DOCK4: variants seen among roughly 807,000 people sequenced by gnomAD.
DOCK4 encodes dedicator of cytokinesis 4.
A neutral mutation model predicts 268.1 loss-of-function variants in DOCK4; 97 were observed. That is an observed-to-expected ratio of 0.36 (90% CI 0.31 to 0.43). The LOEUF is 0.43. Ranked by LOEUF, DOCK4 falls within the 20% of genes least tolerant of loss-of-function variation. The probability of loss-of-function intolerance (pLI) is 1.00; values close to 1 mark genes in which losing one functional copy is unlikely to be tolerated. For synonymous variants in DOCK4, 954 were observed against 887.2 expected, an observed-to-expected ratio of 1.08 and a Z score of -1.34; for missense variants, 2,145 against 2,455.7, an observed-to-expected ratio of 0.87 and a Z score of 2.67.
intron 1 of DOCK4, among the ~76,000 whole-genome samples, chr7:112,060,228 C>A (rs1806271736): frequency 6.6e-6 from 1 of 152,116 alleles, no homozygotes; most frequent in South Asian, 2.1e-4. Context: ...AGCTTGAGTT[C>A]ATCAATTTAG....
rs10266646 is a variant in DOCK4 at position 111,771,076 on chromosome 7, T to G, written c.3680-1399A>C. 7.7e-3 allele frequency among the ~76,000 whole-genome samples: 1,171 copies of G among 152,328 alleles called. 14 individuals carry two copies. Among genetic ancestry groups the G allele is most frequent in the African/African-American group, 0.027 (1,116 of 41,562 alleles). ...GTTTGCACAGTTAGCAATATGAACTTCTTTCAATGCAAATAAATGATCATG... is the reference window on the plus strand; with the variant it reads ...GTTTGCACAGTTAGCAATATGAACTGCTTTCAATGCAAATAAATGATCATG... On this transcript the variant is annotated intron_variant, in intron 36 of 52. Transcript: ENST00000428084.
chr7:112,046,347 T>C (rs1400668353), intron 1 of DOCK4, among the ~76,000 whole-genome samples: 2 of 152,026 alleles, frequency 1.3e-5, no homozygotes, highest in African/African-American at 4.8e-5. Context: ...ATTCAGACAA[T>C]TGAAAAAATA....
At position 112,172,776 on chromosome 7, in the gene DOCK4, C is replaced by T. The variant is rs546394492; in HGVS notation, c.37+33326G>A. Among the ~76,000 whole-genome samples, 6 of 152,254 alleles carry T rather than the reference C, an allele frequency of 3.9e-5. No homozygotes were observed. In the South Asian group the frequency reaches 1.2e-3, roughly 32 times the overall value. ...GTAAAAAATGTAAAGCCGGGAAGAA[C>T]AGTAGATTATTTCTGGCAGTGAAGT... is the stretch of plus-strand genomic sequence containing the variant. On this transcript the variant is annotated intron_variant, in intron 1 of 52. Coordinates refer to ENST00000428084, the MANE Select transcript of DOCK4 (RefSeq NM_001363540.2).
chr7:112,176,610 T>A (rs12705814), intron 1 of DOCK4, among the ~76,000 whole-genome samples: 4 of 152,112 alleles, frequency 2.6e-5, no homozygotes, highest in Non-Finnish European at 5.9e-5. Flanking sequence ...GAAAAACCTA[T>A]AGTTTGCACA....
At chr7:112,023,524 A>G (rs980981888) in intron 1 of DOCK4, 1 of 369,382 alleles carries the variant, frequency 2.7e-6, no homozygotes, top group Non-Finnish European at 5.3e-6. Context: ...GGAAGAAAGC[A>G]CAACATTAGA....
intron 1 of DOCK4, among the ~76,000 whole-genome samples, chr7:112,133,065 T>C (rs1180545081): frequency 6.6e-6 from 1 of 152,204 alleles, no homozygotes; most frequent in Non-Finnish European, 1.5e-5. Flanking sequence ...TCTACTTCTC[T>C]AATATTGAAG....
At chr7:111,957,173 C>T (rs1796509694) in intron 8 of DOCK4, among the ~76,000 whole-genome samples, 1 of 151,938 alleles carries the variant, frequency 6.6e-6, no homozygotes, top group African/African-American at 2.4e-5. Flanking sequence ...ATCTTTGGTA[C>T]TGAAAAAGTT....
chr7:112,134,313 T>C (rs997730713), intron 1 of DOCK4, among the ~76,000 whole-genome samples: 2 of 152,178 alleles, frequency 1.3e-5, no homozygotes, highest in Non-Finnish European at 2.9e-5. Context: ...TCAAAAACCC[T>C]ATACATCTCA....
At chr7:111,945,533 A>G (rs1795551637) in intron 9 of DOCK4, among the ~76,000 whole-genome samples, 184 bp downstream of exon 9, 2 of 152,236 alleles carry the variant, frequency 1.3e-5, no homozygotes, top group African/African-American at 2.4e-5. Flanking sequence ...GTAATACACT[A>G]AAGGAATGAA....
At chr7:112,133,158 G>C (rs1228584561) in intron 1 of DOCK4, among the ~76,000 whole-genome samples, 1 of 152,138 alleles carries the variant, frequency 6.6e-6, no homozygotes, top group African/African-American at 2.4e-5. Flanking sequence ...CTAGTGTTTT[G>C]AGGAGAGGTG....
rs539506778 is a variant in DOCK4, at chr7:111,806,334, T to A, written c.3166+2487A>T. Among the ~76,000 whole-genome samples, 78 of 152,322 alleles carry A rather than the reference T, an allele frequency of 5.1e-4. No individual in the cohort carries two copies. The Middle Eastern group carries it at 0.01, about 20-fold the overall frequency. On this transcript the variant is annotated intron_variant, in intron 30 of 52. Transcript: ENST00000428084. ...CTTAATTATTCTTCTCCTCATTTTA[T>A]AAAAATATATGTTGGAAGAGAGGCT...
intron 1 of DOCK4, among the ~76,000 whole-genome samples, chr7:112,062,956 C>T (rs1396494864): frequency 6.6e-6 from 1 of 152,152 alleles, no homozygotes; most frequent in African/African-American, 2.4e-5. Flanking sequence ...GGATTACAGG[C>T]CTGAGCCACC....
intron 1 of DOCK4, among the ~76,000 whole-genome samples, chr7:112,109,597 T>C (rs1370025948): frequency 1.3e-5 from 2 of 152,208 alleles, no homozygotes; most frequent in Non-Finnish European, 2.9e-5. Flanking sequence ...TTTTCAGCGA[T>C]AGTGTGCCCC....
chr7:111,882,954 T>A (rs374974135), intron 16 of DOCK4, among the ~76,000 whole-genome samples: 2 of 152,260 alleles, frequency 1.3e-5, no homozygotes, highest in South Asian at 2.1e-4. Flanking sequence ...CTAACAAGTT[T>A]AGAGAAACAG....
At chr7:112,046,726 T>C (rs1053920091) in intron 1 of DOCK4, among the ~76,000 whole-genome samples, 1 of 152,156 alleles carries the variant, frequency 6.6e-6, no homozygotes, top group Non-Finnish European at 1.5e-5. Flanking sequence ...TTTCAGGCAT[T>C]GAAGAACATG....
At chr7:112,178,493 G>A (rs938917537) in intron 1 of DOCK4, among the ~76,000 whole-genome samples, 11 of 152,128 alleles carry the variant, frequency 7.2e-5, no homozygotes, top group Non-Finnish European at 1.6e-4. Flanking sequence ...CTTTGTCTCG[G>A]CTTCCCATCC....
intron 44 of DOCK4, 73 bp downstream of exon 44, chr7:111,746,261 T>C (rs528348222): frequency 8.0e-7 from 1 of 1,242,626 alleles, no homozygotes; most frequent in African/African-American, 1.5e-5. Context: ...CAGGAAACCA[T>C]GCAGAGGGGG....
At chr7:111,849,126 G>A (rs1343274239) in intron 23 of DOCK4, among the ~76,000 whole-genome samples, 2 of 152,094 alleles carry the variant, frequency 1.3e-5, no homozygotes. Flanking sequence ...CTTGGTTCTT[G>A]TGTTTCATTC....
chr7:111,745,683 TAAAAAAAAAAAAAAA>T (rs781530065), intron 44 of DOCK4, among the ~76,000 whole-genome samples: 2 of 49,614 alleles, frequency 4.0e-5, no homozygotes, highest in Non-Finnish European at 6.5e-5. Context: ...GACTCCGTCT[TAAAAAAAAAAAAAAA>T]AAAAAAAAAA....
Sources: allele counts gnomAD v4.1 joint callset (sites outside exome capture counted in the v4.1 genomes callset), GRCh38; gene constraint gnomAD v4.1.1; transcripts MANE v1.5; gene names NCBI Gene and HGNC (gene_info 2026-07-23, HGNC 2026-07-21).